STK32A: variants seen among roughly 807,000 people sequenced by gnomAD.
STK32A encodes serine/threonine-protein kinase 32A.
A neutral mutation model predicts 53.2 loss-of-function variants in STK32A; 41 were observed. The ratio of observed to expected loss-of-function variants is 0.77; its 90% confidence interval spans 0.60 to 1.00. The LOEUF is 1.00. STK32A is among the 50% of genes least tolerant of loss of function. STK32A has a pLI of 0.00. For missense variants in STK32A, 458 were observed against 485.8 expected, an observed-to-expected ratio of 0.94 and a Z score of 0.54; for synonymous variants, 166 against 162.8, an observed-to-expected ratio of 1.02 and a Z score of -0.15.
At chr5:147,368,553 T>G (rs1756870763) in intron 8 of STK32A, among the ~76,000 whole-genome samples, 1 of 152,184 alleles carries the variant, frequency 6.6e-6, no homozygotes, top group Non-Finnish European at 1.5e-5. Flanking sequence ...TTGTTCTTCA[T>G]TGTACCCTCA....
At chr5:147,308,040 T>C (rs1753504563) in intron 4 of STK32A, among the ~76,000 whole-genome samples, 1 of 152,276 alleles carries the variant, frequency 6.6e-6, no homozygotes, top group Non-Finnish European at 1.5e-5. Context: ...ATTTGTATTT[T>C]AAAGCTGCTG....
Position 147,247,919 on chromosome 5 carries a change from C to G in STK32A, c.52+8233C>G, listed in dbSNP as rs141738864. Among the ~76,000 whole-genome samples, 1,025 of 152,034 alleles carry G rather than the reference C, an allele frequency of 6.7e-3. 13 individuals carry two copies. The highest frequency in any genetic ancestry group is 0.024 in the African/African-American group (986 of 41,464). ...GGCAGATCACCTGAGGTCACGAGTT[C>G]GAGACCAGCCTGACCAACATGGAGA... On this transcript the variant is annotated intron_variant, in intron 2 of 12. Coordinates refer to ENST00000397936, the MANE Select transcript of STK32A (RefSeq NM_001112724.2).
intron 4 of STK32A, among the ~76,000 whole-genome samples, chr5:147,281,263 AT>A (rs1265834577): frequency 1.3e-5 from 2 of 152,124 alleles, no homozygotes; most frequent in African/African-American, 4.8e-5. Flanking sequence ...GAAATCCCTG[AT>A]TTACCTGAAA....
chr5:147,287,571 G>T (rs1008836486), intron 4 of STK32A, among the ~76,000 whole-genome samples: 2 of 152,146 alleles, frequency 1.3e-5, no homozygotes, highest in Admixed American at 6.5e-5. Flanking sequence ...GGTTTTATGT[G>T]ACTTGGAAAT....
At chr5:147,389,587 TA>T, downstream of STK32A, among the ~76,000 whole-genome samples, 1 of 152,174 alleles carries the variant, frequency 6.6e-6, no homozygotes, top group South Asian at 2.1e-4. Flanking sequence ...TTGTCCCACA[TA>T]AAAAGAGCTT....
At position 147,383,450 on chromosome 5, in the gene STK32A, C is replaced by T. The variant is rs749852098; in HGVS notation, c.1042C>T (p.Leu348Phe). ...RKCDSSQTCL[L>F]QEHLDSVQKE... The stretch of plus-strand genomic sequence containing the variant: ...TACGTTCACCTGGAAGACATGTCTT[C>T]TTCAAGAGCACCTTGACTCTGTCCA... Residue 348 changes from leucine to phenylalanine, a missense_variant, in exon 12 of 13, where the codon CTT becomes TTT. Leu to Phe is a conservative substitution (Grantham distance 22). Transcript: ENST00000397936. 2 of 1,597,328 alleles carry T rather than the reference C, an allele frequency of 1.3e-6. No individual in the cohort carries two copies. Among genetic ancestry groups the T allele is most frequent in the Admixed American group, 1.7e-5 (1 of 58,032 alleles).
chr5:147,392,520 T>C (rs1000391210), downstream of STK32A: 1 of 152,212 alleles, frequency 6.6e-6, no homozygotes, highest in Non-Finnish European at 1.5e-5. Context: ...CCCCAGAGCA[T>C]GGAAGTCTGA....
At chr5:147,254,793 T>C (rs890108802) in intron 2 of STK32A, among the ~76,000 whole-genome samples, 2 of 152,078 alleles carry the variant, frequency 1.3e-5, no homozygotes, top group Non-Finnish European at 2.9e-5. Flanking sequence ...GTGATCTGAA[T>C]GAGTCAGGGT....
At chr5:147,336,514 T>C (rs1755133128) in intron 5 of STK32A, among the ~76,000 whole-genome samples, 1 of 152,254 alleles carries the variant, frequency 6.6e-6, no homozygotes, top group South Asian at 2.1e-4. Context: ...TAAATATATA[T>C]ACTTACATGG....
chr5:147,338,347 TG>T (rs1418406403), intron 5 of STK32A, among the ~76,000 whole-genome samples: 3 of 152,190 alleles, frequency 2.0e-5, no homozygotes, highest in African/African-American at 7.2e-5. Context: ...CCTTCTGCCA[TG>T]ATTGTGAGGG....
At chr5:147,320,000 C>T (rs1279355376) in intron 4 of STK32A, among the ~76,000 whole-genome samples, 1 of 152,000 alleles carries the variant, frequency 6.6e-6, no homozygotes, top group Non-Finnish European at 1.5e-5. Flanking sequence ...TTCATCATAA[C>T]CCAGTAGATA....
At chr5:147,307,581 C>T (rs190608012) in intron 4 of STK32A, among the ~76,000 whole-genome samples, 33 of 143,700 alleles carry the variant, frequency 2.3e-4, no homozygotes, top group East Asian at 6.3e-4. Context: ...GAGATCATGG[C>T]GCCAATGCAC....
the STK32A span, among the ~76,000 whole-genome samples, chr5:147,400,498 C>T: frequency 6.6e-6 from 1 of 152,242 alleles, no homozygotes. Context: ...CTTCAGAATG[C>T]TAGGCCTTAG....
At chr5:147,304,287 T>C (rs886425187) in intron 4 of STK32A, among the ~76,000 whole-genome samples, 1 of 152,182 alleles carries the variant, frequency 6.6e-6, no homozygotes, top group Admixed American at 6.5e-5. Context: ...ATAAAATAAA[T>C]GACTCCTGGA....
At chr5:147,312,363 C>T (rs1170562925) in intron 4 of STK32A, among the ~76,000 whole-genome samples, 2 of 152,188 alleles carry the variant, frequency 1.3e-5, no homozygotes, top group African/African-American at 4.8e-5. Context: ...CTCGGCCTTC[C>T]AAAGTGCTGG....
intron 4 of STK32A, among the ~76,000 whole-genome samples, chr5:147,290,919 G>C (rs929375496): frequency 1.3e-5 from 2 of 152,074 alleles, no homozygotes; most frequent in Non-Finnish European, 2.9e-5. Flanking sequence ...AGACAAGGCA[G>C]TTCCTAAGTT....
At chr5:147,361,493 G>C (rs949836122) in intron 7 of STK32A, 24 bp from the exon 8 acceptor site, 2 of 1,513,046 alleles carry the variant, frequency 1.3e-6, no homozygotes, top group African/African-American at 1.4e-5. Flanking sequence ...GAATCAAACT[G>C]GTTTAATTTT....
chr5:147,366,280 G>A (rs1756738832), intron 8 of STK32A, among the ~76,000 whole-genome samples: 2 of 152,160 alleles, frequency 1.3e-5, no homozygotes, highest in African/African-American at 4.8e-5. Flanking sequence ...CGCCTATAAA[G>A]AGAGTTTCCA....
intron 2 of STK32A, among the ~76,000 whole-genome samples, chr5:147,260,992 G>A (rs946955156): frequency 5.3e-5 from 8 of 152,156 alleles, no homozygotes; most frequent in African/African-American, 1.9e-4. Flanking sequence ...AGTCGTTGCC[G>A]CAGTATGTGA....
Sources: allele counts gnomAD v4.1 joint callset (sites outside exome capture counted in the v4.1 genomes callset), GRCh38; gene constraint gnomAD v4.1.1; transcripts MANE v1.5; gene names NCBI Gene and HGNC (gene_info 2026-07-23, HGNC 2026-07-21).